Variants in ZBTB40 observed in about 807,000 individuals in gnomAD.
ZBTB40 encodes zinc finger and BTB domain containing 40, also known as zinc finger and BTB domain-containing protein 40.
A neutral mutation model predicts 117.5 loss-of-function variants in ZBTB40; 60 were observed. That is an observed-to-expected ratio of 0.51 (90% CI 0.41 to 0.63). ZBTB40 has a LOEUF of 0.63. Ranked by LOEUF, ZBTB40 falls within the 30% of genes least tolerant of loss-of-function variation. ZBTB40 has a pLI of 0.00. For synonymous variants in ZBTB40, 525 were observed against 577.1 expected (o/e 0.91, Z 1.29); for missense variants, 1,287 against 1,498.5 (o/e 0.86, Z 2.33).
chr1:22,515,601 AC>A (rs1639354647), intron 12 of ZBTB40, among the ~76,000 whole-genome samples: 1 of 151,902 alleles, frequency 6.6e-6, no homozygotes, highest in South Asian at 2.1e-4. Context: ...TGCCTCCATC[AC>A]CATACCTCCT....
Position 22,506,175 on chromosome 1 carries a change from A to G in ZBTB40, c.1294A>G (p.Thr432Ala), listed in dbSNP as rs1455969262. The G allele has an allele frequency of 1.5e-5, 25 of 1,614,068 alleles. No homozygotes were observed. The highest frequency in any genetic ancestry group is 1.9e-5 in the Non-Finnish European group (22 of 1,180,036). ...LVKLLQAVKT[T>A]FPNLGLLLEK... Reference sequence around the variant, plus strand: ...AAAACTCCTCCAGGCTGTGAAGACGACTTTCCCAAACCTGGGCCTTCTGCT... The same window carrying G: ...AAAACTCCTCCAGGCTGTGAAGACGGCTTTCCCAAACCTGGGCCTTCTGCT... The change falls in exon 6 of 18, where the codon ACT becomes GCT. Residue 432 changes from threonine (T) to alanine (A), a missense_variant. This residue lies in a region of ZBTB40 where 870 missense variants were observed against 934.4 expected (regional missense o/e 0.93). Coordinates refer to ENST00000375647, the MANE Select transcript of ZBTB40 (RefSeq NM_014870.4).
intron 1 of ZBTB40, among the ~76,000 whole-genome samples, chr1:22,475,974 A>G (rs147935545): frequency 0.01 from 1,551 of 152,350 alleles, 20 homozygotes; most frequent in Non-Finnish European, 0.012. Flanking sequence ...CCTGAGGCAC[A>G]GAAGAGAGCC....
chr1:22,531,149 A>C lies in ZBTB40; in HGVS notation c.*4753A>C, dbSNP rs564035729. 10 of 152,476 alleles carry C rather than the reference A, an allele frequency of 6.6e-5. No homozygotes were observed. The South Asian group carries it at 1.7e-3, about 25-fold the overall frequency. The allele number at this position is 152,476 out of a possible 1,614,324, so 9.4% of individuals were successfully genotyped here. A position where few individuals can be genotyped will look rare whatever the true frequency, so the allele number is the denominator to read the frequency against. The stretch of plus-strand genomic sequence containing the variant: ...GCTTTTATTAATAAAAGTTTTTGGC[A>C]TACAAGTCAACTATTCCCTGCATTC... On this transcript the variant is annotated 3_prime_UTR_variant, in exon 18 of 18. Transcript: ENST00000375647.
intron 12 of ZBTB40, among the ~76,000 whole-genome samples, chr1:22,515,222 C>T (rs1639344137): frequency 6.6e-6 from 1 of 152,128 alleles, no homozygotes; most frequent in Non-Finnish European, 1.5e-5. Context: ...CATGAGAGAC[C>T]ACAGAAAACT....
intron 9 of ZBTB40, 50 bp from the exon 10 acceptor site, chr1:22,511,128 GA>G: frequency 6.3e-7 from 1 of 1,591,064 alleles, no homozygotes; most frequent in African/African-American, 1.3e-5. Context: ...AAACCATGGG[GA>G]AAATCTGCTG....
rs192434323 is a variant in ZBTB40, at chr1:22,508,567, G to T, written c.1535G>T (p.Gly512Val). Residue 512 changes from glycine (G) to valine (V), a missense_variant, in exon 8 of 18, where the codon GGT becomes GTT. Gly to Val is a moderately radical substitution (Grantham distance 109, BLOSUM62 -3). Transcript: ENST00000375647. ...CTTGTGAAACGTGACTCTGGTTCAG[G>T]TGGTTTCAATTCTCTGATATCAGCA... is the stretch of plus-strand genomic sequence containing the variant. ...EKLVKRDSGS[G>V]GFNSLISAVL... is the part of the protein sequence containing the mutation. 3 of 1,614,214 alleles carry T rather than the reference G, an allele frequency of 1.9e-6. No individual in the cohort carries two copies. In the African/African-American group the frequency reaches 4.0e-5, roughly 22 times the overall value.
At chr1:22,438,193 C>T (rs568373772) in intron 1 of ZBTB40, among the ~76,000 whole-genome samples, 50 of 152,196 alleles carry the variant, frequency 3.3e-4, no homozygotes, top group Admixed American at 1.6e-3. Flanking sequence ...GTCCCTCTCC[C>T]TCCAGCCACT....
intron 1 of ZBTB40, among the ~76,000 whole-genome samples, chr1:22,437,905 A>G (rs1640690203): frequency 6.6e-6 from 1 of 151,246 alleles, no homozygotes; most frequent in Non-Finnish European, 1.5e-5. Context: ...CAGGCTGATC[A>G]CCTGGTCTCA....
chr1:22,483,100 T>C (rs1466908974), intron 1 of ZBTB40, among the ~76,000 whole-genome samples: 2 of 151,244 alleles, frequency 1.3e-5, no homozygotes, highest in South Asian at 2.1e-4. Flanking sequence ...AAAAGAAATA[T>C]GCATTTAAGT....
rs370355740 is a variant in ZBTB40, at chr1:22,512,183, T to C, written c.2461+49T>C. ...CAGAGGATGATAATTGTGGGTTTTA[T>C]AGCTTGGATTTCAGGCCTTTCCCTT... is the stretch of plus-strand genomic sequence containing the variant. On this transcript the variant is annotated intron_variant, in intron 11 of 17. Coordinates refer to ENST00000375647, the MANE Select transcript of ZBTB40 (RefSeq NM_014870.4). 4.1e-5 allele frequency: 65 copies of C among 1,604,296 alleles called. No individual in the cohort carries two copies. The African/African-American group carries it at 8.2e-4, about 20-fold the overall frequency.
upstream of ZBTB40, among the ~76,000 whole-genome samples, chr1:22,447,729 C>T (rs1280464588): frequency 6.6e-6 from 1 of 152,220 alleles, no homozygotes; most frequent in Non-Finnish European, 1.5e-5. Flanking sequence ...CCCTCCTCCT[C>T]GGCATTTGTC....
At chr1:22,519,703 A>G (rs116417575) in intron 13 of ZBTB40, 5,051 of 348,866 alleles carry the variant, frequency 0.014, 277 homozygotes, top group African/African-American at 0.1. Flanking sequence ...AGAGAATTAG[A>G]AAACTCCAGA....
At chr1:22,443,000 T>C (rs1281994235) in intron 1 of ZBTB40, among the ~76,000 whole-genome samples, 2 of 152,186 alleles carry the variant, frequency 1.3e-5, no homozygotes, top group South Asian at 2.1e-4. Flanking sequence ...GAGTTTTACC[T>C]CCTGGAGCTC....
rs1465817767 is a variant in ZBTB40 at position 22,508,872 on chromosome 1, A to G, written c.1699+141A>G. On this transcript the variant is annotated intron_variant, in intron 8 of 17. Transcript: ENST00000375647. ...TAAGGACTGGCAGTTTTGTTCAAGG[A>G]CACAAGAGTTTGTAAACCTTTTAAA... The G allele has an allele frequency of 5.4e-6, 6 of 1,112,412 alleles. No homozygotes were observed. The Admixed American group carries it at 6.8e-5, about 13-fold the overall frequency. The allele number at this position is 1,112,412 out of a possible 1,614,324, so 68.9% of individuals were successfully genotyped here. A position where few individuals can be genotyped will look rare whatever the true frequency, so the allele number is the denominator to read the frequency against.
intron 1 of ZBTB40, among the ~76,000 whole-genome samples, chr1:22,477,619 AG>A (rs1425949166): frequency 3.3e-5 from 5 of 151,686 alleles, no homozygotes; most frequent in Non-Finnish European, 7.4e-5. Flanking sequence ...ACTGCACTCC[AG>A]CCTGGTCATC....
At chr1:22,522,922 A>G (rs920787760) in intron 16 of ZBTB40, among the ~76,000 whole-genome samples, 1 of 145,144 alleles carries the variant, frequency 6.9e-6, no homozygotes, top group African/African-American at 2.6e-5. Context: ...GCCTGCCACC[A>G]TGCTCGACTA....
At chr1:22,485,594 G>T (rs976544397) in intron 1 of ZBTB40, among the ~76,000 whole-genome samples, 5 of 152,050 alleles carry the variant, frequency 3.3e-5, no homozygotes, top group Admixed American at 1.3e-4. Flanking sequence ...GATCTGTGAT[G>T]TGGTGTCTGT....
chr1:22,480,750 T>G lies in ZBTB40; in HGVS notation c.-69-9130T>G, dbSNP rs113495520. The stretch of plus-strand genomic sequence containing the variant: ...TTAATTTCTTGACTTGAGATTCCTG[T>G]ATGATACAGAGTATAAATTTGGATG... On this transcript the variant is annotated intron_variant, in intron 1 of 17. Coordinates refer to ENST00000375647, the MANE Select transcript of ZBTB40 (RefSeq NM_014870.4). Among the ~76,000 whole-genome samples the G allele has an allele frequency of 4.4e-3, 673 of 152,332 alleles. 7 individuals are homozygous for G. The highest frequency in any genetic ancestry group is 0.015 in the African/African-American group (632 of 41,584).
chr1:22,448,812 C>G (rs1202696130), upstream of ZBTB40, among the ~76,000 whole-genome samples: 1 of 126,614 alleles, frequency 7.9e-6, no homozygotes, highest in Non-Finnish European at 1.8e-5. Flanking sequence ...TTCTTTTTTT[C>G]TTTTTAAATT....
Sources: allele counts gnomAD v4.1 joint callset (sites outside exome capture counted in the v4.1 genomes callset), GRCh38; gene constraint gnomAD v4.1.1; regional missense constraint gnomAD v4.1.1; transcripts MANE v1.5; gene names NCBI Gene and HGNC (gene_info 2026-07-23, HGNC 2026-07-21).